Variants in GGNBP2 observed in about 807,000 individuals in gnomAD.
GGNBP2 encodes the protein gametogenetin binding protein 2.
A neutral mutation model predicts 85.9 loss-of-function variants in GGNBP2; 10 were observed. The observed-to-expected ratio is 0.12, with a 90% CI of 0.07 to 0.20. The LOEUF (loss-of-function observed/expected upper bound fraction) is 0.20. Ranked by LOEUF, GGNBP2 falls within the 10% of genes least tolerant of loss-of-function variation. The pLI is 1.00. For synonymous variants in GGNBP2, 287 were observed against 285.7 expected (o/e 1.00, Z -0.05); for missense variants, 595 against 857.8 (o/e 0.69, Z 3.83).
At chr17:36,560,940 A>C in intron 5 of GGNBP2, 69 bp downstream of exon 5, 11 of 832,512 alleles carry the variant, frequency 1.3e-5, no homozygotes, top group Non-Finnish European at 1.9e-5. Context: ...ATTTAGTAAA[A>C]GAAATAAACC....
At chr17:36,589,099 CTG>C in intron 13 of GGNBP2, 107 bp from the exon 14 acceptor site, 1 of 726,172 alleles carries the variant, frequency 1.4e-6, no homozygotes, top group Admixed American at 2.2e-5. Context: ...CTTTATGTGA[CTG>C]ATGTGAAACT....
chr17:36,557,087 A>T lies in GGNBP2; in HGVS notation c.179A>T (p.His60Leu), dbSNP rs773791954. 63 of 1,613,960 alleles carry T rather than the reference A, an allele frequency of 3.9e-5. No individual in the cohort carries two copies. Among genetic ancestry groups the T allele is most frequent in the Admixed American group, 2.3e-4 (14 of 59,978 alleles). Residue 60 changes from histidine to leucine, a missense_variant, in exon 4 of 14, where the codon CAT becomes CTT. Physicochemically the swap from His to Leu is moderately conservative, Grantham distance 99. Transcript: ENST00000613102. Reference protein sequence around the residue: ...GAQLKQFIQRHGMLKQQDLSI... With the variant: ...GAQLKQFIQRLGMLKQQDLSI... ...CATTTTCTTTCCCTCTTTCAGCGAC[A>T]TGGTATGCTTAAGCAACAGGATCTA...
At chr17:36,578,263 C>T in intron 7 of GGNBP2, 77 bp downstream of exon 7, 1 of 1,089,274 alleles carries the variant, frequency 9.2e-7, no homozygotes, top group Non-Finnish European at 1.3e-6. Context: ...ATTTTCATCA[C>T]CTTCTGCCTC....
chr17:36,553,406 C>G (rs948476847), intron 2 of GGNBP2, among the ~76,000 whole-genome samples: 1 of 152,124 alleles, frequency 6.6e-6, no homozygotes, highest in African/African-American at 2.4e-5. Flanking sequence ...TTACGTTTGA[C>G]TTAGCTGTTA....
chr17:36,585,916 G>C lies in GGNBP2; in HGVS notation c.1443G>C (p.Glu481Asp), dbSNP rs1384478106. The change falls in exon 11 of 14, where the codon GAG (glutamate) becomes GAC (aspartate). Residue 481 changes from glutamate to aspartate, a missense_variant. By Grantham distance (45) the Glu-to-Asp change is conservative (BLOSUM62 2). Transcript: ENST00000613102. The part of the protein sequence containing the change: ...SMEGSETGSR[E>D]GSDVACTEGI... ...AAGGGAGTGAAACAGGTTCTCGGGA[G>C]GGTTCGGATGTTGCCTGCACTGAAG... 1 of 1,614,016 alleles carries C rather than the reference G, an allele frequency of 6.2e-7. No homozygotes were observed. Among genetic ancestry groups the C allele is most frequent in the African/African-American group, 1.3e-5 (1 of 74,906 alleles).
chr17:36,557,526 A>G (rs2074374442), intron 4 of GGNBP2, among the ~76,000 whole-genome samples, 190 bp downstream of exon 4: 1 of 152,152 alleles, frequency 6.6e-6, no homozygotes, highest in African/African-American at 2.4e-5. Context: ...CAAATATTCA[A>G]TTTGTCAGGG....
intron 5 of GGNBP2, among the ~76,000 whole-genome samples, chr17:36,561,254 G>T (rs1221992569): frequency 6.6e-6 from 1 of 151,956 alleles, no homozygotes; most frequent in Non-Finnish European, 1.5e-5. Flanking sequence ...TTCCTGAGTA[G>T]CTGGGACTAC....
chr17:36,584,377 G>A (rs773331737), intron 9 of GGNBP2, among the ~76,000 whole-genome samples: 2 of 151,706 alleles, frequency 1.3e-5, no homozygotes, highest in East Asian at 1.9e-4. Context: ...TCACTCTGTC[G>A]CCCACAGTGG....
At chr17:36,568,811 G>T (rs929400009) in intron 6 of GGNBP2, among the ~76,000 whole-genome samples, 5 of 151,014 alleles carry the variant, frequency 3.3e-5, no homozygotes, top group South Asian at 2.1e-4. Flanking sequence ...GCTGGAATGC[G>T]CTGGCTCGAT....
At chr17:36,554,988 A>G in intron 3 of GGNBP2, 88 bp downstream of exon 3, 1 of 789,054 alleles carries the variant, frequency 1.3e-6, no homozygotes, top group South Asian at 1.5e-5. Context: ...TTTATATAGG[A>G]TTCTCTAGGT....
chr17:36,585,765 C>T, intron 10 of GGNBP2, 75 bp from the exon 11 acceptor site: 1 of 1,279,398 alleles, frequency 7.8e-7, no homozygotes, highest in South Asian at 1.4e-5. Flanking sequence ...TTTCTGTGGT[C>T]CCCAAAGAGT....
intron 6 of GGNBP2, among the ~76,000 whole-genome samples, chr17:36,569,834 A>AGC (rs2074505504): frequency 6.6e-6 from 1 of 152,204 alleles, no homozygotes; most frequent in African/African-American, 2.4e-5. Flanking sequence ...AAGTTATTAG[A>AGC]GCACATGTTT....
At chr17:36,578,742 T>C (rs993557565) in intron 7 of GGNBP2, 1 of 155,044 alleles carries the variant, frequency 6.4e-6, no homozygotes, top group South Asian at 2.0e-4. Context: ...TCAACCCTCA[T>C]TTGAGTGCCT....
intron 8 of GGNBP2, among the ~76,000 whole-genome samples, chr17:36,580,880 C>A (rs1173279334): frequency 6.6e-6 from 1 of 151,280 alleles, no homozygotes; most frequent in Non-Finnish European, 1.5e-5. Flanking sequence ...GATGGTGCCA[C>A]TGTACTCCAG....
At chr17:36,587,363 G>A in intron 13 of GGNBP2, 118 bp downstream of exon 13, 1 of 1,062,214 alleles carries the variant, frequency 9.4e-7, no homozygotes, top group Non-Finnish European at 1.4e-6. Context: ...AGAAATTAAG[G>A]GTAGTATTTC....
At chr17:36,572,380 G>A (rs1162016262) in intron 6 of GGNBP2, among the ~76,000 whole-genome samples, 2 of 152,014 alleles carry the variant, frequency 1.3e-5, no homozygotes, top group African/African-American at 4.8e-5. Flanking sequence ...GTTCCTGCGC[G>A]CGTATGTGTA....
At chr17:36,569,867 G>A (rs978271594) in intron 6 of GGNBP2, among the ~76,000 whole-genome samples, 2 of 152,140 alleles carry the variant, frequency 1.3e-5, no homozygotes, top group Non-Finnish European at 2.9e-5. Flanking sequence ...TAATGGTTTT[G>A]TAGATTTTCC....
rs756087485 is a variant in GGNBP2, at chr17:36,585,387, G to A, written c.1303G>A (p.Glu435Lys). The change falls in exon 10 of 14, where the codon GAA becomes AAA. Residue 435 changes from glutamate (E) to lysine (K), a missense_variant. By Grantham distance (56) the Glu-to-Lys change is moderately conservative. Around this residue, in one of 9 missense-constraint regions of GGNBP2, gnomAD observed 85 missense variants for 92.6 expected, o/e 0.92. Coordinates refer to ENST00000613102, the MANE Select transcript of GGNBP2 (RefSeq NM_024835.5). ...TTGTGTAGAAGTAATTGTTACCAAT[G>A]AAAATACATCATGTACCTGTCCTAG... The part of the protein sequence containing the change: ...NTCVEVIVTN[E>K]NTSCTCPSSG... The A allele has an allele frequency of 1.9e-6, 3 of 1,612,256 alleles. No homozygotes were observed. The highest frequency in any genetic ancestry group is 2.2e-5 in the South Asian group (2 of 90,950).
intron 5 of GGNBP2, among the ~76,000 whole-genome samples, chr17:36,562,369 A>G (rs1008108475): frequency 1.3e-5 from 2 of 151,724 alleles, no homozygotes; most frequent in Non-Finnish European, 2.9e-5. Flanking sequence ...GGGTTTCGCC[A>G]TGTTGCCCAG....
Sources: allele counts gnomAD v4.1 joint callset (sites outside exome capture counted in the v4.1 genomes callset), GRCh38; gene constraint gnomAD v4.1.1; regional missense constraint gnomAD v4.1.1; transcripts MANE v1.5; gene names NCBI Gene and HGNC (gene_info 2026-07-23, HGNC 2026-07-21).